The following CELF2 variants were observed in gnomAD, a reference collection of about 807,000 sequenced individuals.
The protein encoded by CELF2 is CUG triplet repeat RNA-binding protein 2.
CELF2 carries 8 observed loss-of-function variants against 62.6 expected under a neutral mutation model. That is an observed-to-expected ratio of 0.13 (90% CI 0.07 to 0.23). CELF2 has a LOEUF of 0.23. Among genes scored for constraint, CELF2 ranks in the 10% least tolerant of loss-of-function variants. The pLI is 1.00. For synonymous variants in CELF2, 258 were observed against 250.0 expected (o/e 1.03, Z -0.30); for missense variants, 333 against 671.0 (o/e 0.50, Z 5.56).
the CELF2 span, among the ~76,000 whole-genome samples, chr10:10,690,127 TCTC>T: frequency 6.6e-6 from 1 of 152,218 alleles, no homozygotes; most frequent in Non-Finnish European, 1.5e-5. Flanking sequence ...TTCTGACCTC[TCTC>T]CTCTTCTTCA....
intron 1 of CELF2, among the ~76,000 whole-genome samples, chr10:11,086,234 G>C (rs2046683551): frequency 6.6e-6 from 1 of 152,096 alleles, no homozygotes; most frequent in African/African-American, 2.4e-5. Context: ...ACTGAGGAGA[G>C]AGCGGAATCT....
the CELF2 span, among the ~76,000 whole-genome samples, chr10:10,481,026 G>C: frequency 1.1e-4 from 17 of 152,164 alleles, no homozygotes; most frequent in African/African-American, 4.1e-4. Context: ...TCGCACCATT[G>C]AACTCCAGCC....
At chr10:10,690,166 C>G in the CELF2 span, among the ~76,000 whole-genome samples, 1 of 152,162 alleles carries the variant, frequency 6.6e-6, no homozygotes, top group Admixed American at 6.5e-5. Flanking sequence ...ATATAGGTTT[C>G]CTCCTTGCTG....
chr10:11,251,257 G>A, intron 4 of CELF2, among the ~76,000 whole-genome samples: 1 of 128,682 alleles, frequency 7.8e-6, no homozygotes, highest in Non-Finnish European at 1.6e-5. Context: ...TCCCAGTACT[G>A]AAACACAAAG....
At chr10:10,521,611 G>A in the CELF2 span, among the ~76,000 whole-genome samples, 4 of 152,222 alleles carry the variant, frequency 2.6e-5, no homozygotes, top group East Asian at 7.7e-4. Context: ...ACTCCCTTGA[G>A]CCTCAGATCT....
intron 2 of CELF2, among the ~76,000 whole-genome samples, chr10:11,210,056 T>C (rs1282481890): frequency 6.6e-6 from 1 of 152,226 alleles, no homozygotes; most frequent in African/African-American, 2.4e-5. Context: ...AGGGCCTTCG[T>C]CCCTTGATCT....
intron 1 of CELF2, among the ~76,000 whole-genome samples, chr10:11,164,147 A>G (rs903514127): frequency 2.0e-5 from 3 of 152,074 alleles, no homozygotes; most frequent in Non-Finnish European, 4.4e-5. Context: ...GGCGCCTTCT[A>G]TTTTCACAGG....
chr10:10,557,004 G>A, the CELF2 span, among the ~76,000 whole-genome samples: 1 of 147,916 alleles, frequency 6.8e-6, no homozygotes, highest in Non-Finnish European at 1.5e-5. Context: ...TCTGATGGTA[G>A]TTTCTTTTGC....
intron 1 of CELF2, among the ~76,000 whole-genome samples, chr10:10,907,922 A>G (rs139752581): frequency 4.7e-4 from 71 of 152,324 alleles, no homozygotes; most frequent in Non-Finnish European, 8.2e-4. Flanking sequence ...TGAAGGATCT[A>G]AAATAGCATG....
intron 2 of CELF2, among the ~76,000 whole-genome samples, chr10:11,190,886 G>C (rs568131179): frequency 6.6e-6 from 1 of 151,900 alleles, no homozygotes; most frequent in African/African-American, 2.4e-5. Context: ...TTGGCCAGGG[G>C]CTGGAGCAGG....
intron 3 of CELF2, among the ~76,000 whole-genome samples, chr10:11,226,384 C>T (rs577213883): frequency 3.3e-5 from 5 of 152,354 alleles, no homozygotes; most frequent in African/African-American, 9.6e-5. Context: ...CCGGTCCCGG[C>T]AAGTGGTCCT....
rs974556057 is a variant in CELF2, at chr10:11,207,506, A to C, written c.272-9919A>C. On this transcript the variant is annotated intron_variant, in intron 2 of 12. Transcript: ENST00000633077. This position sits in a 1 kb window ranked among gnomAD's most constrained non-coding sequence, Gnocchi z 4.1. The stretch of plus-strand genomic sequence containing the variant: ...CCCTCCCGGGCTGAAAAGGTGGCTC[A>C]GATTTGCTGTCTGCGAGGAATCTTG... Among the ~76,000 whole-genome samples, 4 of 152,244 alleles carry C rather than the reference A, an allele frequency of 2.6e-5. No individual in the cohort carries two copies. Among genetic ancestry groups the C allele is most frequent in the African/African-American group, 9.6e-5 (4 of 41,470 alleles).
At chr10:11,133,541 GAA>G (rs1190284132) in intron 1 of CELF2, among the ~76,000 whole-genome samples, 2 of 152,118 alleles carry the variant, frequency 1.3e-5, no homozygotes, top group African/African-American at 4.8e-5. Context: ...ACAAGATAGG[GAA>G]TGTGTTACTA....
In CELF2 at chr10:11,332,100, C is replaced by A. The variant is rs1311987895; in HGVS notation, c.*3047C>A. ...TTTCTCATTTTTGGGAAAAGAATTC[C>A]TAATGTGCTACTAGAATTCCTTCTT... On this transcript the variant is annotated 3_prime_UTR_variant, in exon 13 of 13. Transcript: ENST00000633077. 4 of 147,672 alleles carry A rather than the reference C, an allele frequency of 2.7e-5. No individual in the cohort carries two copies. The highest frequency in any genetic ancestry group is 4.4e-5 in the Non-Finnish European group (3 of 68,000). The allele number at this position is 147,672 out of a possible 1,614,324, so 9.1% of individuals were successfully genotyped here.
In CELF2 at chr10:11,242,853, AG is replaced by A. The variant is rs1292222291; in HGVS notation, c.355-6295del. Among the ~76,000 whole-genome samples the A allele has an allele frequency of 6.6e-6, 1 of 152,070 alleles. No individual in the cohort carries two copies. Among genetic ancestry groups the A allele is most frequent in the African/African-American group, 2.4e-5 (1 of 41,424 alleles). ...TGCTTATCCCCAGGAGGTGGGACGA[AG>A]GGGGAGGCCTGATGCTGGGAGGCTT... is the stretch of plus-strand genomic sequence containing the variant. On this transcript the variant is annotated intron_variant, in intron 3 of 12. Transcript: ENST00000633077. This position sits in a 1 kb window ranked among gnomAD's most constrained non-coding sequence, Gnocchi z 4.8.
the CELF2 span, among the ~76,000 whole-genome samples, chr10:10,626,869 A>G: frequency 6.6e-6 from 1 of 152,342 alleles, no homozygotes; most frequent in East Asian, 1.9e-4. Flanking sequence ...AGCAACACTG[A>G]CAACATTTCA....
the CELF2 span, among the ~76,000 whole-genome samples, chr10:10,515,232 C>T: frequency 2.0e-5 from 3 of 152,184 alleles, no homozygotes; most frequent in South Asian, 2.1e-4. Context: ...GCCAAGCTCT[C>T]ACAATCAATT....
At chr10:10,548,024 T>TA in the CELF2 span, among the ~76,000 whole-genome samples, 1 of 152,206 alleles carries the variant, frequency 6.6e-6, no homozygotes, top group African/African-American at 2.4e-5. Flanking sequence ...GTTACCTTTT[T>TA]ATGAGCTCAG....
the CELF2 span, among the ~76,000 whole-genome samples, chr10:10,749,615 A>G: frequency 6.6e-6 from 1 of 152,258 alleles, no homozygotes; most frequent in South Asian, 2.1e-4. Context: ...TTTTTTAAAT[A>G]TTTAATGGCA....
Sources: allele counts gnomAD v4.1 joint callset (sites outside exome capture counted in the v4.1 genomes callset), GRCh38; gene constraint gnomAD v4.1.1; non-coding constraint Gnocchi (gnomAD v3.1); transcripts MANE v1.5; gene names NCBI Gene and HGNC (gene_info 2026-07-23, HGNC 2026-07-21).